The following EIF4G3 variants were observed in gnomAD, a reference collection of about 807,000 sequenced individuals.
The protein encoded by EIF4G3 is eukaryotic translation initiation factor 4 gamma 3, also known as eIF-4-gamma 3.
A neutral mutation model predicts 186.4 loss-of-function variants in EIF4G3; 34 were observed. The ratio of observed to expected loss-of-function variants is 0.18; its 90% CI spans 0.14 to 0.24. The LOEUF (loss-of-function observed/expected upper bound fraction) is 0.24, where lower values mean the gene tolerates loss of function less well. EIF4G3 is among the 10% of genes least tolerant of loss of function. The pLI, the probability that EIF4G3 is intolerant of heterozygous loss-of-function variation, is 1.00. For missense variants in EIF4G3, 1,536 were observed against 1,948.5 expected (o/e 0.79, Z 3.99); for synonymous variants, 673 against 679.5 (o/e 0.99, Z 0.15).
chr1:20,879,475 G>T lies in EIF4G3; in HGVS notation c.2470C>A (p.Gln824Lys). 6.5e-7 allele frequency: 1 copy of T among 1,527,266 alleles called. No homozygotes were observed. Among genetic ancestry groups the T allele is most frequent in the South Asian group, 1.3e-5 (1 of 76,680 alleles). The allele number at this position is 1,527,266 out of a possible 1,614,324, so 94.6% of individuals were successfully genotyped here. A position where few individuals can be genotyped will look rare whatever the true frequency, so the allele number is the denominator to read the frequency against. The change falls in exon 20 of 37, where the codon CAG becomes AAG. Residue 824 changes from glutamine (Q) to lysine (K), a missense_variant. Physicochemically the swap from Gln to Lys is moderately conservative, Grantham distance 53. Transcript: ENST00000602326. ...VRSILNKLTP[Q>K]MFNQLMKQVS... ...TGCTTCATCAGTTGATTGAACATCTGTGGTGTCAATTTATTTAAGATACTT... is the reference window on the plus strand; with the variant it reads ...TGCTTCATCAGTTGATTGAACATCTTTGGTGTCAATTTATTTAAGATACTT...
chr1:21,111,343 G>A (rs552702991), intron 2 of EIF4G3: 36 of 471,434 alleles, frequency 7.6e-5, no homozygotes, highest in South Asian at 3.9e-4. Flanking sequence ...TGATGTGATC[G>A]CTCCAAACTT....
chr1:21,088,327 G>A (rs1246466413), intron 3 of EIF4G3, among the ~76,000 whole-genome samples: 2 of 152,020 alleles, frequency 1.3e-5, no homozygotes, highest in Non-Finnish European at 2.9e-5. Flanking sequence ...GGCTGAGGCA[G>A]TAGAATCACT....
At chr1:21,154,638 A>G (rs938477175) in intron 2 of EIF4G3, among the ~76,000 whole-genome samples, 1 of 152,192 alleles carries the variant, frequency 6.6e-6, no homozygotes, top group Non-Finnish European at 1.5e-5. Flanking sequence ...GGTTCATCTG[A>G]GCATTATACC....
At chr1:20,834,290 A>G (rs2066107848) in intron 30 of EIF4G3, among the ~76,000 whole-genome samples, 6 of 152,106 alleles carry the variant, frequency 3.9e-5, no homozygotes, top group Admixed American at 3.9e-4. Flanking sequence ...CTCTATAAAA[A>G]AATAAAAAAA....
chr1:20,852,759 G>C (rs2073748725), intron 27 of EIF4G3, among the ~76,000 whole-genome samples: 1 of 152,162 alleles, frequency 6.6e-6, no homozygotes, highest in Admixed American at 6.5e-5. Context: ...AGCGCCACAA[G>C]TGATACTCAA....
chr1:21,148,301 G>C (rs1444096378), intron 2 of EIF4G3, among the ~76,000 whole-genome samples: 1 of 152,026 alleles, frequency 6.6e-6, no homozygotes, highest in African/African-American at 2.4e-5. Flanking sequence ...GAACTCCCGG[G>C]TCTAAACAAT....
intron 20 of EIF4G3, among the ~76,000 whole-genome samples, chr1:20,874,135 G>GTGCT (rs1156512511): frequency 6.6e-6 from 1 of 152,104 alleles, no homozygotes; most frequent in Non-Finnish European, 1.5e-5. Context: ...ATTGTAAATA[G>GTGCT]TGCTGCAATA....
intron 2 of EIF4G3, among the ~76,000 whole-genome samples, chr1:21,170,178 AAAAT>A (rs112846073): frequency 6.8e-6 from 1 of 146,962 alleles, no homozygotes; most frequent in African/African-American, 2.5e-5. Flanking sequence ...CTCCATCTCA[AAAAT>A]AAATAAATAA....
At chr1:21,082,653 G>A (rs895491046) in intron 3 of EIF4G3, among the ~76,000 whole-genome samples, 3 of 152,082 alleles carry the variant, frequency 2.0e-5, no homozygotes, top group African/African-American at 7.2e-5. Context: ...CATAATCCCA[G>A]CACTTTGAGT....
chr1:20,860,650 C>A, intron 23 of EIF4G3, 133 bp from the exon 24 acceptor site: 1 of 1,003,982 alleles, frequency 1.0e-6, no homozygotes, highest in Non-Finnish European at 1.4e-6. Context: ...TCTCATGTAT[C>A]TTATAGATGA....
intron 29 of EIF4G3, among the ~76,000 whole-genome samples, chr1:20,841,908 G>A (rs181203667): frequency 6.6e-6 from 1 of 151,110 alleles, no homozygotes; most frequent in African/African-American, 2.5e-5. Flanking sequence ...GGAAGGGGGA[G>A]GATGTAGGTA....
chr1:21,151,232 C>CTT (rs1385422514), intron 2 of EIF4G3, among the ~76,000 whole-genome samples: 6 of 33,822 alleles, frequency 1.8e-4, no homozygotes, highest in South Asian at 1.5e-3. Context: ...TATAGTATTT[C>CTT]TTTCTTTTTT....
intron 30 of EIF4G3, 146 bp downstream of exon 30, chr1:20,840,710 T>C: frequency 4.3e-6 from 3 of 694,894 alleles, no homozygotes; most frequent in Non-Finnish European, 7.2e-6. Context: ...CATATCAATA[T>C]ATTAATTGCA....
In EIF4G3 at chr1:20,835,929, C is replaced by G. The variant is rs557007748; in HGVS notation, c.4061+4927G>C. The stretch of plus-strand genomic sequence containing the variant: ...TCCAACCTGGGTGACAGAGCAAGAC[C>G]CTATCTCAGAGAGAAAAAAAAAAAA... On this transcript the variant is annotated intron_variant, in intron 30 of 36. Coordinates refer to ENST00000602326, the MANE Select transcript of EIF4G3 (RefSeq NM_001391906.1). Among the ~76,000 whole-genome samples the G allele has an allele frequency of 2.8e-4, 42 of 150,684 alleles. 3 individuals carry two copies. Among genetic ancestry groups the G allele is most frequent in the Non-Finnish European group, 1.2e-4 (8 of 67,676 alleles).
At chr1:20,941,099 T>A in intron 14 of EIF4G3, 1 of 918,750 alleles carries the variant, frequency 1.1e-6, no homozygotes, top group Non-Finnish European at 1.5e-6. Context: ...TGACTGGGTT[T>A]TAAAATTCTA....
At chr1:21,086,757 T>C (rs573241123) in intron 3 of EIF4G3, among the ~76,000 whole-genome samples, 1 of 151,986 alleles carries the variant, frequency 6.6e-6, no homozygotes, top group South Asian at 2.1e-4. Context: ...CTGGCCAATA[T>C]GGTGAAACCC....
At chr1:20,917,287 A>G (rs1232270034) in intron 14 of EIF4G3, among the ~76,000 whole-genome samples, 5 of 152,226 alleles carry the variant, frequency 3.3e-5, no homozygotes, top group Non-Finnish European at 7.3e-5. Flanking sequence ...GCTTAAGCCC[A>G]GAGTTTGAGA....
intron 2 of EIF4G3, among the ~76,000 whole-genome samples, chr1:21,125,018 G>C (rs1178074360): frequency 6.6e-6 from 1 of 152,038 alleles, no homozygotes; most frequent in Non-Finnish European, 1.5e-5. Flanking sequence ...CTCATCAAAA[G>C]TGACTCAGCC....
intron 3 of EIF4G3, among the ~76,000 whole-genome samples, chr1:21,079,219 C>T (rs745474091): frequency 1.2e-4 from 18 of 152,208 alleles, no homozygotes; most frequent in Non-Finnish European, 2.1e-4. Flanking sequence ...TTGTCTCTGG[C>T]GAGGTATCTC....
Sources: allele counts gnomAD v4.1 joint callset (sites outside exome capture counted in the v4.1 genomes callset), GRCh38; gene constraint gnomAD v4.1.1; transcripts MANE v1.5; gene names NCBI Gene and HGNC (gene_info 2026-07-23, HGNC 2026-07-21).